The following TPST1 variants were observed in gnomAD, a reference collection of about 807,000 sequenced individuals.
The protein encoded by TPST1 is tyrosylprotein sulfotransferase 1, also known as protein-tyrosine sulfotransferase 1.
A neutral mutation model predicts 34.8 loss-of-function variants in TPST1; 20 were observed. That is an observed-to-expected ratio of 0.57 (90% CI 0.40 to 0.84). TPST1 has a LOEUF of 0.84. Ranked by LOEUF, TPST1 falls within the 40% of genes least tolerant of loss-of-function variation. TPST1 has a pLI of 0.00. For missense variants in TPST1, 353 were observed against 455.5 expected (o/e 0.78, Z 2.05); for synonymous variants, 152 against 159.4 (o/e 0.95, Z 0.35).
intron 2 of TPST1, among the ~76,000 whole-genome samples, chr7:66,242,262 A>C (rs1052192859): frequency 6.6e-6 from 1 of 152,070 alleles, no homozygotes; most frequent in South Asian, 2.1e-4. Context: ...TAAAAAAGAA[A>C]TATATAAGGT....
At chr7:66,241,742 T>C (rs1308781408) in intron 2 of TPST1, among the ~76,000 whole-genome samples, 2 of 152,234 alleles carry the variant, frequency 1.3e-5, no homozygotes, top group Non-Finnish European at 2.9e-5. Flanking sequence ...TTTGAAATTT[T>C]TAGTGGTAGA....
chr7:66,353,448 G>A (rs1792521035), intron 4 of TPST1, among the ~76,000 whole-genome samples: 2 of 152,164 alleles, frequency 1.3e-5, no homozygotes, highest in African/African-American at 4.8e-5. Flanking sequence ...CAGCCTGGGT[G>A]ACAGAGTGAG....
chr7:66,321,161 C>T lies in TPST1; in HGVS notation c.1045-31344C>T, dbSNP rs189336714. On this transcript the variant is annotated intron_variant, in intron 3 of 5. Transcript: ENST00000304842. ...TCAAGAAAGGGAAAAGGCACATGGG[C>T]AAAGTCTGGAAGGAACCAGCTGCTC... Among the ~76,000 whole-genome samples, 863 of 152,304 alleles carry T rather than the reference C, an allele frequency of 5.7e-3. 6 individuals carry two copies. The highest frequency in any genetic ancestry group is 0.011 in the Non-Finnish European group (721 of 68,038).
At chr7:66,325,162 G>T (rs908460040) in intron 3 of TPST1, among the ~76,000 whole-genome samples, 4 of 152,128 alleles carry the variant, frequency 2.6e-5, no homozygotes, top group Non-Finnish European at 5.9e-5. Context: ...AGTCACAAAG[G>T]AGAAGTGCTA....
chr7:66,278,784 C>T (rs1290132968), intron 2 of TPST1, among the ~76,000 whole-genome samples: 1 of 148,432 alleles, frequency 6.7e-6, no homozygotes, highest in East Asian at 2.0e-4. Flanking sequence ...GGTGGCAGAA[C>T]GAGATTCCGT....
intron 3 of TPST1, among the ~76,000 whole-genome samples, chr7:66,328,756 G>GCTGGT (rs1791922672): frequency 6.7e-6 from 1 of 149,330 alleles, no homozygotes; most frequent in Non-Finnish European, 1.5e-5. Context: ...TGTTGACCAG[G>GCTGGT]CTGGTCTTGA....
chr7:66,204,834 C>G (rs556791440), upstream of TPST1, among the ~76,000 whole-genome samples: 24 of 152,366 alleles, frequency 1.6e-4, no homozygotes, highest in African/African-American at 5.5e-4. Flanking sequence ...TTTGCATTTG[C>G]GCGTTATCTC....
At chr7:66,349,822 C>G (rs778735) in intron 3 of TPST1, among the ~76,000 whole-genome samples, 1 of 151,830 alleles carries the variant, frequency 6.6e-6, no homozygotes, top group Non-Finnish European at 1.5e-5. Flanking sequence ...ACAACAACAA[C>G]AAAAAACCCA....
At chr7:66,202,312 C>G (rs777084784), upstream of TPST1, among the ~76,000 whole-genome samples, 12 of 152,172 alleles carry the variant, frequency 7.9e-5, no homozygotes. Flanking sequence ...TTACTTCTGC[C>G]TCAGAGTGTA....
intron 3 of TPST1, among the ~76,000 whole-genome samples, chr7:66,331,885 T>A (rs1792001700): frequency 6.6e-6 from 1 of 152,144 alleles, no homozygotes; most frequent in African/African-American, 2.4e-5. Flanking sequence ...AACACTTTTG[T>A]GAACTGTGCA....
At chr7:66,225,802 A>T (rs1228180485) in intron 1 of TPST1, among the ~76,000 whole-genome samples, 2 of 152,242 alleles carry the variant, frequency 1.3e-5, no homozygotes, top group African/African-American at 4.8e-5. Context: ...AATTAGTATG[A>T]AGGTGTGAGT....
rs1792024308 is a variant in TPST1, at chr7:66,332,860, A to G, written c.1045-19645A>G. Among the ~76,000 whole-genome samples the G allele has an allele frequency of 6.6e-6, 1 of 152,148 alleles. No homozygotes were observed. Among genetic ancestry groups the G allele is most frequent in the Non-Finnish European group, 1.5e-5 (1 of 68,034 alleles). Reference sequence around the variant, plus strand: ...AATACTACACCATTTTATATAAGGCACTTGAGCACCTGTGGATTTTGTTAT... The same window carrying G: ...AATACTACACCATTTTATATAAGGCGCTTGAGCACCTGTGGATTTTGTTAT... On this transcript the variant is annotated intron_variant, in intron 3 of 5. Transcript: ENST00000304842. The surrounding 1 kb of genome is among the most constrained non-coding windows in gnomAD (Gnocchi z 4.5).
At chr7:66,210,587 G>A (rs1170602419) in intron 1 of TPST1, among the ~76,000 whole-genome samples, 1 of 152,196 alleles carries the variant, frequency 6.6e-6, no homozygotes, top group African/African-American at 2.4e-5. Context: ...GATGGTGATA[G>A]GTATCTAGGA....
At chr7:66,267,831 A>G (rs1481666062) in intron 2 of TPST1, among the ~76,000 whole-genome samples, 2 of 152,198 alleles carry the variant, frequency 1.3e-5, no homozygotes, top group Non-Finnish European at 2.9e-5. Context: ...TGGAACATAT[A>G]TTGGGGGAGG....
chr7:66,345,352 GC>G (rs1222360854), intron 3 of TPST1, among the ~76,000 whole-genome samples: 4 of 151,428 alleles, frequency 2.6e-5, no homozygotes, highest in South Asian at 4.2e-4. Context: ...GAAAAATTAG[GC>G]CTGGTGGCAG....
chr7:66,295,632 A>G (rs899012307), intron 3 of TPST1, among the ~76,000 whole-genome samples: 4 of 152,152 alleles, frequency 2.6e-5, no homozygotes, highest in African/African-American at 9.7e-5. Flanking sequence ...GTTATTAGCT[A>G]TATGTATATA....
chr7:66,348,246 A>G (rs750339119), intron 3 of TPST1, among the ~76,000 whole-genome samples: 3 of 152,270 alleles, frequency 2.0e-5, no homozygotes, highest in South Asian at 4.1e-4. Flanking sequence ...GATTATTGCT[A>G]TAGACTCCAT....
At chr7:66,231,506 TG>T (rs1313158882) in intron 1 of TPST1, among the ~76,000 whole-genome samples, 18 of 152,178 alleles carry the variant, frequency 1.2e-4, no homozygotes, top group Non-Finnish European at 2.6e-4. Flanking sequence ...CCCTGCCCCG[TG>T]GGAAGGCAGC....
intron 2 of TPST1, among the ~76,000 whole-genome samples, chr7:66,248,503 GTTTT>G (rs373801835): frequency 2.4e-5 from 3 of 124,266 alleles, no homozygotes; most frequent in Admixed American, 1.7e-4. Flanking sequence ...AACATTTAGT[GTTTT>G]TTTTTTTTTT....
Sources: gnomAD v4.1 joint callset for allele counts (sites outside exome capture counted in the v4.1 genomes callset) on GRCh38, gnomAD v4.1.1 for gene constraint, Gnocchi (gnomAD v3.1) non-coding constraint, MANE v1.5 for transcripts, NCBI Gene and HGNC (gene_info 2026-07-23, HGNC 2026-07-21) for gene names.